The following ERICH3 variants were observed in gnomAD, a reference collection of about 807,000 sequenced individuals.
The protein encoded by ERICH3 is glutamate rich 3, also known as glutamate-rich protein 3.
ERICH3 carries 126 observed loss-of-function variants against 131.1 expected under a neutral mutation model. The observed-to-expected ratio is 0.96, with a 90% confidence interval of 0.83 to 1.11. The LOEUF (loss-of-function observed/expected upper bound fraction) is 1.11, where lower values mean the gene tolerates loss of function less well. ERICH3 is among the 50% of genes most tolerant of loss of function. ERICH3 has a pLI of 0.00. For synonymous variants in ERICH3, 695 were observed against 644.6 expected, an observed-to-expected ratio of 1.08 and a Z score of -1.18; for missense variants, 2,050 against 1,810.7, an observed-to-expected ratio of 1.13 and a Z score of -2.40.
intron 5 of ERICH3, among the ~76,000 whole-genome samples, chr1:74,639,374 G>A (rs1646418523): frequency 6.6e-6 from 1 of 152,160 alleles, no homozygotes; most frequent in Non-Finnish European, 1.5e-5. Context: ...GATGAATGTG[G>A]TAGTCAAATG....
chr1:74,612,145 T>C (rs1049296775), intron 9 of ERICH3, among the ~76,000 whole-genome samples: 1 of 152,150 alleles, frequency 6.6e-6, no homozygotes, highest in African/African-American at 2.4e-5. Context: ...AGGGAGATAA[T>C]GAAAATTGGG....
chr1:74,584,048 G>C (rs1028955656), intron 12 of ERICH3, among the ~76,000 whole-genome samples: 12 of 152,146 alleles, frequency 7.9e-5, no homozygotes, highest in African/African-American at 2.9e-4. Flanking sequence ...ACCTTGAAAA[G>C]TATCCCTGTG....
intron 1 of ERICH3, among the ~76,000 whole-genome samples, chr1:74,661,565 A>T (rs1272797549): frequency 6.6e-6 from 1 of 152,158 alleles, no homozygotes; most frequent in Non-Finnish European, 1.5e-5. Flanking sequence ...TTGACTGGAA[A>T]CACCTTCTCT....
rs1283167645 is a variant in ERICH3, at chr1:74,620,932, A to G, written c.820-18T>C. 2 of 1,521,478 alleles carry G rather than the reference A, an allele frequency of 1.3e-6. No homozygotes were observed. Among genetic ancestry groups the G allele is most frequent in the South Asian group, 1.3e-5 (1 of 75,666 alleles). The allele number at this position is 1,521,478 out of a possible 1,614,324, so 94.2% of individuals were successfully genotyped here. ...CTTGAATCCTGAAATAAACAGAAAA[A>G]TGAGGCTTATTAACGAATTACTTTC... On this transcript the variant is annotated intron_variant, in intron 7 of 14. Transcript: ENST00000326665.
intron 6 of ERICH3, among the ~76,000 whole-genome samples, chr1:74,635,814 C>T (rs1416536909): frequency 6.6e-6 from 1 of 152,144 alleles, no homozygotes; most frequent in Admixed American, 6.6e-5. Flanking sequence ...ACATTCTATT[C>T]TTTCTATATT....
intron 12 of ERICH3, among the ~76,000 whole-genome samples, chr1:74,581,003 T>A (rs939728520): frequency 1.3e-5 from 2 of 152,228 alleles, no homozygotes; most frequent in Admixed American, 1.3e-4. Context: ...GTCATATCCA[T>A]CTGGCAAATA....
At chr1:74,606,983 T>G in intron 9 of ERICH3, 81 bp from the exon 10 acceptor site, 1 of 1,290,888 alleles carries the variant, frequency 7.7e-7, no homozygotes, top group Non-Finnish European at 1.1e-6. Context: ...AAAGCACTTA[T>G]CTCTTATTCC....
chr1:74,612,506 G>A (rs1648743561), intron 9 of ERICH3, 117 bp downstream of exon 9: 5 of 847,378 alleles, frequency 5.9e-6, no homozygotes, highest in Non-Finnish European at 8.5e-6. Context: ...CCTAGATATT[G>A]TAGGCCCATC....
intron 9 of ERICH3, among the ~76,000 whole-genome samples, chr1:74,608,776 C>T (rs1648519787): frequency 6.6e-6 from 1 of 152,106 alleles, no homozygotes; most frequent in Non-Finnish European, 1.5e-5. Flanking sequence ...TAGCACATTG[C>T]TTTCCTTGGA....
chr1:74,673,418 G>T (rs1646759779), intron 1 of ERICH3, 79 bp downstream of exon 1: 6 of 1,541,634 alleles, frequency 3.9e-6, no homozygotes, highest in Non-Finnish European at 5.3e-6. Context: ...CCTTCCCTCC[G>T]CAGCAGGAGG....
intron 1 of ERICH3, among the ~76,000 whole-genome samples, chr1:74,669,687 T>A (rs1646724109): frequency 6.6e-6 from 1 of 152,238 alleles, no homozygotes; most frequent in Admixed American, 6.5e-5. Context: ...ATCTCTATTA[T>A]CTTTGGCAGA....
At chr1:74,643,132 A>T (rs780616947) in intron 3 of ERICH3, 34 bp from the exon 4 acceptor site, 5 of 1,529,620 alleles carry the variant, frequency 3.3e-6, no homozygotes, top group East Asian at 2.3e-5. Flanking sequence ...GGAGAGAATC[A>T]TATCAGTTAT....
chr1:74,638,638 T>C (rs1428505328), intron 5 of ERICH3, among the ~76,000 whole-genome samples: 1 of 152,202 alleles, frequency 6.6e-6, no homozygotes, highest in African/African-American at 2.4e-5. Context: ...TTATTATGAA[T>C]AAAGATGACA....
chr1:74,666,492 T>C (rs1646694231), intron 1 of ERICH3, among the ~76,000 whole-genome samples: 1 of 152,186 alleles, frequency 6.6e-6, no homozygotes, highest in Admixed American at 6.5e-5. Flanking sequence ...TTGTCACATC[T>C]TTTTCTCTTT....
chr1:74,659,538 A>G (rs1359034524), intron 1 of ERICH3, among the ~76,000 whole-genome samples: 1 of 152,200 alleles, frequency 6.6e-6, no homozygotes, highest in Non-Finnish European at 1.5e-5. Context: ...CTGGCCTCGT[A>G]CTATCCCAAG....
At chr1:74,573,610 G>C (rs1647000502) in intron 13 of ERICH3, 119 bp from the exon 14 acceptor site, 2 of 1,184,660 alleles carry the variant, frequency 1.7e-6, no homozygotes, top group Admixed American at 7.5e-5. Flanking sequence ...ATATCAAGAG[G>C]CCATTGTATT....
intron 12 of ERICH3, among the ~76,000 whole-genome samples, chr1:74,577,788 GA>G (rs956742899): frequency 6.6e-6 from 1 of 151,976 alleles, no homozygotes; most frequent in Non-Finnish European, 1.5e-5. Flanking sequence ...TGAAATAATT[GA>G]AAAAAACAGT....
At position 74,612,940 on chromosome 1, in the gene ERICH3, T is replaced by C. The variant is rs1648771050; in HGVS notation, c.1001-131A>G. On this transcript the variant is annotated intron_variant, in intron 8 of 14. Coordinates refer to ENST00000326665, the MANE Select transcript of ERICH3 (RefSeq NM_001002912.5). ...GGGGTGTCCAATCTTTTGGCTTCCC[T>C]GGTCCACACTGGAAGAAGAAGAATT... 7.9e-6 allele frequency: 5 copies of C among 629,010 alleles called. No homozygotes were observed. In the South Asian group the frequency reaches 1.4e-4, roughly 18 times the overall value. The allele number at this position is 629,010 out of a possible 1,614,324, so 39.0% of individuals were successfully genotyped here.
chr1:74,608,533 G>T (rs1025987723), intron 9 of ERICH3, among the ~76,000 whole-genome samples: 1 of 151,986 alleles, frequency 6.6e-6, no homozygotes, highest in Non-Finnish European at 1.5e-5. Flanking sequence ...CTAAATTTCA[G>T]CCATCTGCAG....
Sources: allele counts gnomAD v4.1 joint callset (sites outside exome capture counted in the v4.1 genomes callset), GRCh38; gene constraint gnomAD v4.1.1; transcripts MANE v1.5; gene names NCBI Gene and HGNC (gene_info 2026-07-23, HGNC 2026-07-21).